The following LPP variants were observed in gnomAD, a reference collection of about 807,000 sequenced individuals.
The protein encoded by LPP is LIM domain containing preferred translocation partner in lipoma.
Under a neutral mutation model 60.4 loss-of-function variants are expected in LPP, and 38 were observed. That is an observed-to-expected ratio of 0.63 (90% CI 0.49 to 0.83). LPP has a LOEUF of 0.83. Among genes scored for constraint, LPP ranks in the 40% least tolerant of loss-of-function variants. The pLI is 0.00. For missense variants in LPP, 902 were observed against 783.6 expected, an observed-to-expected ratio of 1.15 and a Z score of -1.80; for synonymous variants, 328 against 290.8, an observed-to-expected ratio of 1.13 and a Z score of -1.30.
At chr3:188,591,277 A>G (rs1046751722) in intron 6 of LPP, among the ~76,000 whole-genome samples, 1 of 152,230 alleles carries the variant, frequency 6.6e-6, no homozygotes, top group Non-Finnish European at 1.5e-5. Flanking sequence ...TATGAAGAAC[A>G]TCAACTAATT....
chr3:188,384,608 G>T (rs960739128), intron 3 of LPP, among the ~76,000 whole-genome samples: 1 of 151,828 alleles, frequency 6.6e-6, no homozygotes, highest in Non-Finnish European at 1.5e-5. Context: ...TGGCCAACAT[G>T]GTGAAACCCC....
At chr3:188,201,112 A>G (rs1443875380) in intron 1 of LPP, among the ~76,000 whole-genome samples, 1 of 152,152 alleles carries the variant, frequency 6.6e-6, no homozygotes, top group Admixed American at 6.5e-5. Context: ...TGTTTACAAA[A>G]TTTCTTCACA....
intron 2 of LPP, among the ~76,000 whole-genome samples, chr3:188,249,899 ATAT>A (rs201258588): frequency 0.044 from 5,287 of 120,386 alleles, 158 homozygotes; most frequent in Middle Eastern, 0.08. Context: ...ATATATATAT[ATAT>A]TTTTTTTTTT....
chr3:188,754,228 C>T (rs1221274953), intron 8 of LPP, among the ~76,000 whole-genome samples: 1 of 152,138 alleles, frequency 6.6e-6, no homozygotes, highest in Non-Finnish European at 1.5e-5. Flanking sequence ...TATAAGTAAA[C>T]CACTTTCTCT....
chr3:188,872,814 C>A, intron 11 of LPP, 51 bp downstream of exon 11: 1 of 1,611,240 alleles, frequency 6.2e-7, no homozygotes, highest in Non-Finnish European at 8.5e-7. Context: ...TTGAAAGGCT[C>A]GTTCGAGCTA....
At chr3:188,272,988 G>A (rs374133889) in intron 2 of LPP, among the ~76,000 whole-genome samples, 3 of 152,208 alleles carry the variant, frequency 2.0e-5, no homozygotes, top group African/African-American at 7.2e-5. Flanking sequence ...CGAGCAAAGC[G>A]ATGCTGAAAT....
intron 5 of LPP, among the ~76,000 whole-genome samples, chr3:188,524,332 A>C (rs1001960178): frequency 1.3e-5 from 2 of 152,208 alleles, no homozygotes; most frequent in Non-Finnish European, 2.9e-5. Flanking sequence ...AGTGCTTGTG[A>C]GCTCTCTTCA....
intron 4 of LPP, among the ~76,000 whole-genome samples, chr3:188,476,038 T>C (rs1803117519): frequency 6.6e-6 from 1 of 152,220 alleles, no homozygotes; most frequent in East Asian, 1.9e-4. Context: ...TTTCATTTTT[T>C]TTTCTTTAAA....
At chr3:188,551,469 T>C (rs984691219) in intron 6 of LPP, among the ~76,000 whole-genome samples, 2 of 152,216 alleles carry the variant, frequency 1.3e-5, no homozygotes, top group African/African-American at 4.8e-5. Context: ...TTATATACTA[T>C]CTATTATTTT....
At chr3:188,442,915 G>A (rs1794368416) in intron 4 of LPP, among the ~76,000 whole-genome samples, 2 of 152,210 alleles carry the variant, frequency 1.3e-5, no homozygotes, top group African/African-American at 4.8e-5. Context: ...AGTGCTGATT[G>A]AGTCCAGGAG....
chr3:188,328,140 A>T (rs539691939), intron 2 of LPP, among the ~76,000 whole-genome samples: 2 of 152,288 alleles, frequency 1.3e-5, no homozygotes, highest in South Asian at 4.1e-4. Flanking sequence ...AAAACTTGAC[A>T]GTTTTCACAT....
intron 3 of LPP, among the ~76,000 whole-genome samples, chr3:188,378,204 G>C (rs1775778289): frequency 6.6e-6 from 1 of 152,214 alleles, no homozygotes; most frequent in Admixed American, 6.5e-5. Context: ...CAAGCTGCAT[G>C]CTGGGAGAAC....
chr3:188,598,150 A>C (rs1412947836), intron 6 of LPP, among the ~76,000 whole-genome samples: 1 of 152,108 alleles, frequency 6.6e-6, no homozygotes, highest in Non-Finnish European at 1.5e-5. Context: ...GGATAGCTGG[A>C]GTGTTGACTC....
chr3:188,241,266 A>C (rs1448241933), intron 2 of LPP, among the ~76,000 whole-genome samples: 1 of 152,328 alleles, frequency 6.6e-6, no homozygotes, highest in African/African-American at 2.4e-5. Context: ...GCCCTGAAGT[A>C]CATGCTGTAC....
At chr3:188,538,119 A>G (rs9879837) in intron 6 of LPP, among the ~76,000 whole-genome samples, 20,640 of 152,248 alleles carry the variant, frequency 0.14, 1,718 homozygotes, top group Middle Eastern at 0.2. Flanking sequence ...GTAGAAGAAA[A>G]TATAGAAGTG....
intron 8 of LPP, among the ~76,000 whole-genome samples, chr3:188,723,538 C>G (rs1717257468): frequency 6.6e-6 from 1 of 152,050 alleles, no homozygotes; most frequent in Admixed American, 6.5e-5. Flanking sequence ...GTCAGATGGT[C>G]AAGAGCAGGG....
At position 188,364,765 on chromosome 3, in the gene LPP, G is replaced by A. The variant is rs557576890; in HGVS notation, c.-10+23046G>A. 5.9e-5 allele frequency among the ~76,000 whole-genome samples: 9 copies of A among 152,290 alleles called. 1 individual carries two copies. In the South Asian group the frequency reaches 1.7e-3, roughly 28 times the overall value. On this transcript the variant is annotated intron_variant, in intron 3 of 11. Transcript: ENST00000617246. ...TTATTTTTCATATTTGTTTCCTGCT[G>A]CCCTCTGGCCACCATTCAGACCGTT...
At chr3:188,508,666 CAG>C (rs1470449316) in intron 5 of LPP, among the ~76,000 whole-genome samples, 22 of 152,170 alleles carry the variant, frequency 1.4e-4, no homozygotes, top group African/African-American at 5.3e-4. Context: ...GCCATTTCGA[CAG>C]ATGAGGAGAA....
chr3:188,254,529 T>G (rs1216423803), intron 2 of LPP, among the ~76,000 whole-genome samples: 1 of 152,190 alleles, frequency 6.6e-6, no homozygotes, highest in Non-Finnish European at 1.5e-5. Context: ...GAGCTTTTGG[T>G]TAATTGGCTT....
Sources: gnomAD v4.1 joint callset for allele counts (sites outside exome capture counted in the v4.1 genomes callset) on GRCh38, gnomAD v4.1.1 for gene constraint, MANE v1.5 for transcripts, NCBI Gene and HGNC (gene_info 2026-07-23, HGNC 2026-07-21) for gene names.